FBXW7: variants seen among roughly 807,000 people sequenced by gnomAD.
The protein encoded by FBXW7 is F-box and WD repeat domain containing 7, also known as F-box/WD repeat-containing protein 7.
Under a neutral mutation model 86.3 loss-of-function variants are expected in FBXW7, and 11 were observed. That is an observed-to-expected ratio of 0.13 (90% CI 0.08 to 0.21). The LOEUF (loss-of-function observed/expected upper bound fraction) is 0.21, where lower values mean the gene tolerates loss of function less well. FBXW7 is among the 10% of genes least tolerant of loss of function. The probability of loss-of-function intolerance (pLI) is 1.00; values close to 1 mark genes in which losing one functional copy is unlikely to be tolerated. For missense variants in FBXW7, 488 were observed against 847.4 expected, an observed-to-expected ratio of 0.58 and a Z score of 5.27; for synonymous variants, 313 against 297.9, an observed-to-expected ratio of 1.05 and a Z score of -0.52.
chr4:152,437,324 G>A (rs1267122720), intron 2 of FBXW7, among the ~76,000 whole-genome samples: 4 of 151,666 alleles, frequency 2.6e-5, no homozygotes, highest in African/African-American at 7.3e-5. Context: ...GCAGTGAGCT[G>A]ACTGAGATCG....
Position 152,459,297 on chromosome 4 carries a change from A to G in FBXW7, c.-119-46768T>C, listed in dbSNP as rs373924517. 8.9e-4 allele frequency among the ~76,000 whole-genome samples: 136 copies of G among 152,326 alleles called. 1 individual carries two copies. The highest frequency in any genetic ancestry group is 3.2e-3 in the African/African-American group (133 of 41,578). On this transcript the variant is annotated intron_variant, in intron 2 of 13. Transcript: ENST00000281708. ...ATCAGCACTTCACTTTTTCCAATCA[A>G]GCTAATTCAATAAAACAGAGTACCC...
intron 2 of FBXW7, among the ~76,000 whole-genome samples, chr4:152,465,393 T>TAA (rs956608079): frequency 2.0e-5 from 3 of 152,190 alleles, no homozygotes; most frequent in African/African-American, 7.2e-5. Flanking sequence ...ACATTTGATA[T>TAA]AAACAATTGG....
intron 2 of FBXW7, among the ~76,000 whole-genome samples, chr4:152,516,751 G>T (rs1357303074): frequency 6.6e-6 from 1 of 152,200 alleles, no homozygotes; most frequent in Non-Finnish European, 1.5e-5. Context: ...TAAAGAAAGT[G>T]TAACTTCTAA....
At chr4:152,401,812 T>C (rs185039233) in intron 4 of FBXW7, among the ~76,000 whole-genome samples, 4 of 152,202 alleles carry the variant, frequency 2.6e-5, no homozygotes. Context: ...CATTCAACTT[T>C]GCTGTGAATC....
At chr4:152,445,704 T>TA (rs921852008) in intron 2 of FBXW7, among the ~76,000 whole-genome samples, 6 of 152,046 alleles carry the variant, frequency 3.9e-5, no homozygotes, top group African/African-American at 1.4e-4. Flanking sequence ...GGCCAGGAGT[T>TA]AGAGATCAGC....
intron 2 of FBXW7, among the ~76,000 whole-genome samples, chr4:152,473,835 T>C (rs891429386): frequency 6.6e-6 from 1 of 152,218 alleles, no homozygotes; most frequent in Non-Finnish European, 1.5e-5. Context: ...GTGATCATTA[T>C]GGGCAACTTT....
chr4:152,475,286 G>C (rs1021729457), intron 2 of FBXW7, among the ~76,000 whole-genome samples: 6 of 151,918 alleles, frequency 3.9e-5, no homozygotes, highest in Non-Finnish European at 2.9e-5. Context: ...ACTTAGCCAG[G>C]CATGATGGCA....
intron 4 of FBXW7, among the ~76,000 whole-genome samples, chr4:152,401,901 C>T (rs1471712692): frequency 2.6e-5 from 4 of 152,126 alleles, no homozygotes; most frequent in South Asian, 2.1e-4. Context: ...AAAAACATTT[C>T]GCAGACCTCA....
chr4:152,455,680 T>G (rs1045158606), intron 2 of FBXW7, among the ~76,000 whole-genome samples: 1 of 152,232 alleles, frequency 6.6e-6, no homozygotes, highest in African/African-American at 2.4e-5. Context: ...AAAATCTATA[T>G]GGGCTGTGGT....
At chr4:152,398,579 T>C (rs1443560715) in intron 4 of FBXW7, among the ~76,000 whole-genome samples, 1 of 151,968 alleles carries the variant, frequency 6.6e-6, no homozygotes, top group Non-Finnish European at 1.5e-5. Context: ...ATACTGAATC[T>C]AAGGCAAATT....
chr4:152,405,507 G>A (rs1204281673), intron 4 of FBXW7, among the ~76,000 whole-genome samples: 1 of 152,166 alleles, frequency 6.6e-6, no homozygotes. Flanking sequence ...GGCTTTATCA[G>A]TGGGAAATGG....
At chr4:152,522,446 T>C (rs764330635) in intron 2 of FBXW7, among the ~76,000 whole-genome samples, 1 of 152,226 alleles carries the variant, frequency 6.6e-6, no homozygotes, top group African/African-American at 2.4e-5. Flanking sequence ...CTGTGACTCA[T>C]CTTTATCAAT....
At chr4:152,444,358 T>C (rs1741184216) in intron 2 of FBXW7, among the ~76,000 whole-genome samples, 1 of 151,832 alleles carries the variant, frequency 6.6e-6, no homozygotes, top group South Asian at 2.1e-4. Context: ...ATGTTTGAAA[T>C]TGAGTTGTTT....
chr4:152,502,351 CA>C (rs1390057547), intron 2 of FBXW7, among the ~76,000 whole-genome samples: 1 of 152,112 alleles, frequency 6.6e-6, no homozygotes, highest in Non-Finnish European at 1.5e-5. Flanking sequence ...TCTCAGGATA[CA>C]GTGAGTCATT....
intron 2 of FBXW7, among the ~76,000 whole-genome samples, chr4:152,497,138 C>T (rs1465823533): frequency 6.6e-6 from 1 of 152,042 alleles, no homozygotes; most frequent in African/African-American, 2.4e-5. Context: ...GCCTGGACAA[C>T]ACAGTGAAAT....
chr4:152,492,505 G>C (rs1412331695), intron 2 of FBXW7, among the ~76,000 whole-genome samples: 2 of 152,156 alleles, frequency 1.3e-5, no homozygotes, highest in Non-Finnish European at 2.9e-5. Flanking sequence ...AGCAATTTAC[G>C]AGTGTTCTGG....
chr4:152,452,805 G>A (rs763659894), intron 2 of FBXW7, among the ~76,000 whole-genome samples: 3 of 152,090 alleles, frequency 2.0e-5, no homozygotes, highest in African/African-American at 7.2e-5. Context: ...CCTCAAGAAC[G>A]GATTGCCTTG....
intron 11 of FBXW7, among the ~76,000 whole-genome samples, chr4:152,327,463 G>A (rs148637547): frequency 2.3e-4 from 35 of 151,996 alleles, no homozygotes; most frequent in African/African-American, 8.0e-4. Flanking sequence ...GTTTAACAGG[G>A]GTATGATGAC....
At chr4:152,395,100 G>A (rs998422485) in intron 4 of FBXW7, among the ~76,000 whole-genome samples, 22 of 151,946 alleles carry the variant, frequency 1.4e-4, no homozygotes, top group Admixed American at 1.2e-3. Flanking sequence ...TCAGTACATC[G>A]TCAATTTTAT....
Sources: gnomAD v4.1 joint callset for allele counts (sites outside exome capture counted in the v4.1 genomes callset) on GRCh38, gnomAD v4.1.1 for gene constraint, MANE v1.5 for transcripts, NCBI Gene and HGNC (gene_info 2026-07-23, HGNC 2026-07-21) for gene names.